Variants in MROH2A observed in about 807,000 individuals in gnomAD.
MROH2A encodes the protein maestro heat-like repeat-containing protein family member 2A.
A neutral mutation model predicts 200.4 loss-of-function variants in MROH2A; 174 were observed. The observed-to-expected ratio is 0.87, with a 90% confidence interval of 0.77 to 0.98. The LOEUF is 0.98. Among genes scored for constraint, MROH2A ranks in the 50% least tolerant of loss-of-function variants. MROH2A has a pLI of 0.00. For missense variants in MROH2A, 2,045 were observed against 2,139.6 expected (o/e 0.96, Z 0.87); for synonymous variants, 829 against 840.4 (o/e 0.99, Z 0.23).
chr2:233,789,821 G>T (rs774114635), intron 4 of MROH2A, 31 bp from the exon 5 acceptor site: 2 of 1,531,502 alleles, frequency 1.3e-6, no homozygotes, highest in Non-Finnish European at 1.8e-6. Context: ...GCTGGTGGTG[G>T]TGCCATATGT....
At position 233,833,208 on chromosome 2, in the gene MROH2A, G is replaced by A; in HGVS notation, c.4974G>A (p.Leu1658=). ...RRAALETLTV[L]DSCSQHGFLA... ...CAGCCCTGGAGACGCTCACAGTCTTGGATAGCTGTAGTCAGCATGGGTTTC... is the reference window on the plus strand; with the variant it reads ...CAGCCCTGGAGACGCTCACAGTCTTAGATAGCTGTAGTCAGCATGGGTTTC... The change falls in exon 42 of 42, where the codon TTG becomes TTA. Residue 1658 remains leucine (L), a synonymous_variant. Coordinates refer to ENST00000389758, the MANE Select transcript of MROH2A (RefSeq NM_001394639.1). 6.4e-7 allele frequency: 1 copy of A among 1,550,458 alleles called. No homozygotes were observed. Among genetic ancestry groups the A allele is most frequent in the Non-Finnish European group, 8.7e-7 (1 of 1,146,962 alleles).
At chr2:233,778,093 T>G (rs907487504), upstream of MROH2A, among the ~76,000 whole-genome samples, 3 of 152,108 alleles carry the variant, frequency 2.0e-5, no homozygotes, top group Non-Finnish European at 4.4e-5. Flanking sequence ...TTGTAAGCCA[T>G]CCCCACTTCT....
chr2:233,792,930 A>C, intron 6 of MROH2A, 36 bp downstream of exon 6: 1 of 1,548,188 alleles, frequency 6.5e-7, no homozygotes, highest in African/African-American at 1.4e-5. Flanking sequence ...GTCTGGCTCG[A>C]TCAGGGCGCC....
Position 233,819,405 on chromosome 2 carries a change from A to T in MROH2A, c.3293A>T (p.Asp1098Val). 6.4e-7 allele frequency: 1 copy of T among 1,550,570 alleles called. No homozygotes were observed. Among genetic ancestry groups the T allele is most frequent in the Non-Finnish European group, 8.7e-7 (1 of 1,146,942 alleles). ...ACTGGGGCCATGAACCTGCAGCATG[A>T]CAAGGCCTCTGTCACCTGGATAGCC... ...ENTGAMNLQHDKASVTWIAFF... is the reference protein window; with the variant it reads ...ENTGAMNLQHVKASVTWIAFF... Residue 1098 changes from aspartate (D) to valine (V), a missense_variant, in exon 30 of 42, where the codon GAC becomes GTC. Asp to Val is a radical substitution (Grantham distance 152). Coordinates refer to ENST00000389758, the MANE Select transcript of MROH2A (RefSeq NM_001394639.1).
chr2:233,806,053 T>G (rs1322342185), intron 19 of MROH2A, among the ~76,000 whole-genome samples: 7 of 151,992 alleles, frequency 4.6e-5, no homozygotes, highest in Admixed American at 2.6e-4. Flanking sequence ...CAAAAAGAAA[T>G]AAATTGGACA....
At chr2:233,813,899 AGCAAGC>A (rs1703342186) in intron 25 of MROH2A, 121 bp downstream of exon 25, 2 of 556,478 alleles carry the variant, frequency 3.6e-6, no homozygotes, top group Non-Finnish European at 6.5e-6. Flanking sequence ...AGCGGAGTGT[AGCAAGC>A]TCTATCAGTA....
rs1015301202 is a variant in MROH2A, at chr2:233,802,077, G to A, written c.1561-91G>A. The stretch of plus-strand genomic sequence containing the variant: ...GGACATCTCTGGGGAAGCAGGGATG[G>A]GATGGCACCATGGCAGAGCCTGACT... On this transcript the variant is annotated intron_variant, in intron 14 of 41. Coordinates refer to ENST00000389758, the MANE Select transcript of MROH2A (RefSeq NM_001394639.1). 11 of 1,367,784 alleles carry A rather than the reference G, an allele frequency of 8.0e-6. No homozygotes were observed. In the African/African-American group the frequency reaches 1.6e-4, roughly 20 times the overall value. The allele number at this position is 1,367,784 out of a possible 1,614,324, so 84.7% of individuals were successfully genotyped here.
chr2:233,819,583 C>T (rs567863755), intron 30 of MROH2A, 114 bp downstream of exon 30: 14 of 1,127,520 alleles, frequency 1.2e-5, no homozygotes, highest in African/African-American at 7.8e-5. Flanking sequence ...CCTCCCCCAA[C>T]CCCTGGCTGC....
At chr2:233,830,974 C>T (rs1704701375) in intron 38 of MROH2A, among the ~76,000 whole-genome samples, 1 of 152,182 alleles carries the variant, frequency 6.6e-6, no homozygotes, top group Non-Finnish European at 1.5e-5. Flanking sequence ...GCTACCGAGA[C>T]AGAAGCATTT....
chr2:233,810,660 G>T, intron 22 of MROH2A, 134 bp from the exon 23 acceptor site: 1 of 1,144,432 alleles, frequency 8.7e-7, no homozygotes. Flanking sequence ...GAGTGAGGCT[G>T]GCCATCTCTC....
chr2:233,800,155 A>G, intron 13 of MROH2A, 50 bp from the exon 14 acceptor site: 1 of 1,382,888 alleles, frequency 7.2e-7, no homozygotes, highest in Non-Finnish European at 9.9e-7. Flanking sequence ...TGAGACCACG[A>G]CAAACCTCTG....
intron 11 of MROH2A, among the ~76,000 whole-genome samples, chr2:233,796,529 G>A (rs374740342): frequency 2.4e-4 from 36 of 152,130 alleles, no homozygotes; most frequent in Non-Finnish European, 3.4e-4. Flanking sequence ...CTCTGAGTCC[G>A]AATTGTTAAC....
At chr2:233,816,913 C>T in intron 27 of MROH2A, 28 bp downstream of exon 27, 1 of 1,361,854 alleles carries the variant, frequency 7.3e-7, no homozygotes, top group Non-Finnish European at 1.0e-6. Context: ...CAGCCCCCAG[C>T]CTGCTGCTCT....
chr2:233,826,423 C>CT (rs1704312069), intron 35 of MROH2A, among the ~76,000 whole-genome samples: 2 of 152,224 alleles, frequency 1.3e-5, no homozygotes, highest in South Asian at 4.1e-4. Context: ...GATGGCACAT[C>CT]TACAGGCAAC....
Position 233,779,719 on chromosome 2 carries a change from C to T in MROH2A, c.143C>T (p.Ser48Leu), listed in dbSNP as rs201099982. Residue 48 changes from serine (S) to leucine (L), a missense_variant, in exon 3 of 42, where the codon TCA becomes TTA. Ser to Leu is a moderately radical substitution (Grantham distance 145, BLOSUM62 -2). Transcript: ENST00000389758. The part of the protein sequence containing the change: ...VNLLDIIDSE[S>L]AKTDTTGAGL... The stretch of plus-strand genomic sequence containing the variant: ...CTTCTGGACATCATTGACAGCGAGT[C>T]AGCAAAGACGGACACAACAGGGGCA... 1.6e-4 allele frequency: 241 copies of T among 1,551,046 alleles called. No homozygotes were observed. Among genetic ancestry groups the T allele is most frequent in the Non-Finnish European group, 2.3e-5 (26 of 1,147,122 alleles).
upstream of MROH2A, among the ~76,000 whole-genome samples, chr2:233,777,269 C>G (rs913796666): frequency 1.3e-5 from 2 of 152,210 alleles, no homozygotes; most frequent in Admixed American, 6.5e-5. Context: ...TCCACCTACC[C>G]TATATCCACT....
At chr2:233,804,711 C>G (rs974603322) in intron 18 of MROH2A, among the ~76,000 whole-genome samples, 164 bp downstream of exon 18, 2 of 152,156 alleles carry the variant, frequency 1.3e-5, no homozygotes, top group Non-Finnish European at 2.9e-5. Context: ...ATAGCTGTGT[C>G]CATCCCCAGG....
chr2:233,829,884 G>A (rs745471995), intron 38 of MROH2A, 109 bp downstream of exon 38: 21 of 1,099,904 alleles, frequency 1.9e-5, no homozygotes, highest in Non-Finnish European at 2.5e-5. Flanking sequence ...CTCTGCCTCA[G>A]TTGGTTTTCT....
chr2:233,804,082 G>C lies in MROH2A; in HGVS notation c.1781G>C (p.Gly594Ala). The change falls in exon 17 of 42, where the codon GGT (glycine) becomes GCT (alanine). Residue 594 changes from glycine to alanine, a missense_variant. Around this residue, in one of 3 missense-constraint regions of MROH2A, gnomAD observed 831 missense variants for 800.0 expected, o/e 1.04. Coordinates refer to ENST00000389758, the MANE Select transcript of MROH2A (RefSeq NM_001394639.1). The stretch of plus-strand genomic sequence containing the variant: ...ATGTCATCACCTTACAAGGGGGAGG[G>C]TCGTGGGATAGCCATGCTCAACCTC... ...VLMSSPYKGEGRGIAMLNLLR... is the reference protein window; with the variant it reads ...VLMSSPYKGEARGIAMLNLLR... 1 of 1,550,570 alleles carries C rather than the reference G, an allele frequency of 6.4e-7. No individual in the cohort carries two copies. The highest frequency in any genetic ancestry group is 1.2e-5 in the South Asian group (1 of 84,060).
Sources: allele counts gnomAD v4.1 joint callset (sites outside exome capture counted in the v4.1 genomes callset), GRCh38; gene constraint gnomAD v4.1.1; regional missense constraint gnomAD v4.1.1; transcripts MANE v1.5; gene names NCBI Gene and HGNC (gene_info 2026-07-23, HGNC 2026-07-21).